Variants in PRICKLE3 observed in about 807,000 individuals in gnomAD.
PRICKLE3 encodes LIM domain only protein 6.
Under a neutral mutation model 33.8 loss-of-function variants are expected in PRICKLE3, and 17 were observed. That is an observed-to-expected ratio of 0.50 (90% confidence interval 0.34 to 0.75). The LOEUF (loss-of-function observed/expected upper bound fraction) is 0.75. Ranked by LOEUF, PRICKLE3 falls within the 30% of genes least tolerant of loss-of-function variation. The pLI is 0.01. For missense variants in PRICKLE3, 573 were observed against 576.7 expected (o/e 0.99, Z 0.07); for synonymous variants, 211 against 219.6 (o/e 0.96, Z 0.34).
rs1557100204 is a variant in PRICKLE3 at position 49,177,084 on chromosome X, G to C, written c.1074C>G (p.Gly358=). 2 of 1,203,552 alleles carry C rather than the reference G, an allele frequency of 1.7e-6. No individual in the cohort carries two copies. Among genetic ancestry groups the C allele is most frequent in the Admixed American group, 4.4e-5 (2 of 45,132 alleles). The change falls in exon 8 of 9, where the codon GGC becomes GGG. Residue 358 remains glycine, a synonymous_variant. Coordinates refer to ENST00000599218, the MANE Select transcript of PRICKLE3 (RefSeq NM_006150.5). The stretch of plus-strand genomic sequence containing the variant: ...TGCAGGCTCGAGAGCAGAAGATTAG[G>C]CCTCGGCGTGGCAGGAATGGGCGGC... ...LLGRPFLPRR[G]LIFCSRACSL...
At position 49,182,198 on chromosome X, in the gene PRICKLE3, C is replaced by T. The variant is rs782579786; in HGVS notation, c.312+1536G>A. Among the ~76,000 whole-genome samples the T allele has an allele frequency of 1.6e-4, 18 of 111,140 alleles. No individual in the cohort carries two copies. In the East Asian group the frequency reaches 3.1e-3, roughly 19 times the overall value. Reference sequence around the variant, plus strand: ...CTGACCTCAAGTGATCCACTCGCCTCGGCCTCCCAAAGTGCTGGGATTACA... The same window carrying T: ...CTGACCTCAAGTGATCCACTCGCCTTGGCCTCCCAAAGTGCTGGGATTACA... On this transcript the variant is annotated intron_variant, in intron 3 of 8. Transcript: ENST00000599218.
Position 49,184,691 on chromosome X carries a change from G to A in PRICKLE3, c.62C>T (p.Pro21Leu). Reference protein sequence around the residue: ...SGRAPPEAEDPDRGQPCNSCR... With the variant: ...SGRAPPEAEDLDRGQPCNSCR... The stretch of plus-strand genomic sequence containing the variant: ...GGAGTTGCAGGGCTGGCCCCGGTCT[G>A]GGTCCTCTGCCTCTGGAGGCTGCAG... Residue 21 changes from proline to leucine, a missense_variant, in exon 2 of 9, where the codon CCA becomes CTA. Coordinates refer to ENST00000599218, the MANE Select transcript of PRICKLE3 (RefSeq NM_006150.5). 2 of 1,160,939 alleles carry A rather than the reference G, an allele frequency of 1.7e-6. No homozygotes were observed. Among genetic ancestry groups the A allele is most frequent in the Non-Finnish European group, 2.3e-6 (2 of 869,057 alleles).
Position 49,176,161 on chromosome X carries a change from G to A in PRICKLE3, c.1360C>T (p.Pro454Ser), listed in dbSNP as rs370249075. 2.5e-6 allele frequency: 3 copies of A among 1,191,030 alleles called. No individual in the cohort carries two copies. Among genetic ancestry groups the A allele is most frequent in the South Asian group, 1.9e-5 (1 of 53,898 alleles). ...TCTGGGCGCAGGTTAGGCTGGCCGG[G>A]GGACTCTGGGGGCGGCTCGGGGACA... ...RSVPEPPPES[P>S]GQPNLRPDDS... Residue 454 changes from proline (P) to serine (S), a missense_variant, in exon 9 of 9, where the codon CCC becomes TCC. Physicochemically the swap from Pro to Ser is moderately conservative, Grantham distance 74. Coordinates refer to ENST00000599218, the MANE Select transcript of PRICKLE3 (RefSeq NM_006150.5).
At chrX:49,181,540 T>C (rs1557101020) in intron 3 of PRICKLE3, among the ~76,000 whole-genome samples, 11 of 93,782 alleles carry the variant, frequency 1.2e-4, no homozygotes, top group South Asian at 5.1e-4. Flanking sequence ...TGTATATATA[T>C]ACGTATATGT....
chrX:49,179,238 C>G lies in PRICKLE3; in HGVS notation c.564+13G>C, dbSNP rs1181157342. On this transcript the variant is annotated intron_variant, in intron 5 of 8. Transcript: ENST00000599218. ...GAGGCACTGCTCACTCGCTGAGGCC[C>G]TCCACGGCTCACCTCCTCACAGATG... The G allele has an allele frequency of 8.3e-7, 1 of 1,207,409 alleles. No individual in the cohort carries two copies. The highest frequency in any genetic ancestry group is 1.1e-6 in the Non-Finnish European group (1 of 893,624).
intron 3 of PRICKLE3, 53 bp downstream of exon 3, chrX:49,183,681 G>A (rs2065468360): frequency 8.3e-7 from 1 of 1,203,425 alleles, no homozygotes; most frequent in Admixed American, 2.2e-5. Context: ...GTGTGTGTGA[G>A]CATTAGTGTG....
rs1557100128 is a variant in PRICKLE3, at chrX:49,176,925, G to A, written c.1233C>T (p.Gly411=). 8.3e-7 allele frequency: 1 copy of A among 1,200,143 alleles called. No homozygotes were observed. The highest frequency in any genetic ancestry group is 1.8e-5 in the South Asian group (1 of 55,233). Residue 411 remains glycine, a synonymous_variant, in exon 8 of 9, where the codon GGC becomes GGT. Coordinates refer to ENST00000599218, the MANE Select transcript of PRICKLE3 (RefSeq NM_006150.5). The part of the protein sequence containing the change: ...VKGASETTTK[G]TSTELAPATG... ...CACCTGGCGCTAACTCTGTGCTGGT[G>A]CCTTTGGTGGTGGTCTCTGATGCCC...
intron 3 of PRICKLE3, among the ~76,000 whole-genome samples, chrX:49,180,963 C>T (rs1259157877): frequency 5.4e-5 from 6 of 110,605 alleles, no homozygotes; most frequent in Admixed American, 1.9e-4. Flanking sequence ...GCTCTTACCC[C>T]TCAAACTGCT....
intron 3 of PRICKLE3, among the ~76,000 whole-genome samples, chrX:49,182,936 G>A (rs2065464175): frequency 9.3e-6 from 1 of 107,725 alleles, no homozygotes; most frequent in East Asian, 2.9e-4. Flanking sequence ...CAATTCTCCT[G>A]CCTCAGCCTC....
chrX:49,180,034 C>CT (rs1986191477), intron 3 of PRICKLE3, among the ~76,000 whole-genome samples: 1 of 56,570 alleles, frequency 1.8e-5, no homozygotes, highest in Non-Finnish European at 3.5e-5. Flanking sequence ...CTGCTGATCA[C>CT]CTTTTTTTTT....
rs1190748780 is a variant in PRICKLE3 at position 49,175,753 on chromosome X, A to C, written c.1768T>G (p.Ser590Ala). The C allele has an allele frequency of 1.7e-6, 2 of 1,211,311 alleles. No individual in the cohort carries two copies. Among genetic ancestry groups the C allele is most frequent in the Non-Finnish European group, 1.1e-6 (1 of 895,343 alleles). The change falls in exon 9 of 9, where the codon TCC becomes GCC. Residue 590 changes from serine (S) to alanine (A), a missense_variant. Physicochemically the swap from Ser to Ala is moderately conservative, Grantham distance 99 (BLOSUM62 1). Transcript: ENST00000599218. Reference sequence around the variant, plus strand: ...TCCCTGGGGAGCGATAAAGATGGGGAGTTGAAGGTCTCCATTGCAGTGTCC... The same window carrying C: ...TCCCTGGGGAGCGATAAAGATGGGGCGTTGAAGGTCTCCATTGCAGTGTCC... ...AQDTAMETFNSPSLSLPRDSR... is the reference protein window; with the variant it reads ...AQDTAMETFNAPSLSLPRDSR...
chrX:49,180,383 T>C (rs1171242349), intron 3 of PRICKLE3, among the ~76,000 whole-genome samples: 1 of 111,256 alleles, frequency 9.0e-6, no homozygotes, highest in Non-Finnish European at 1.9e-5. Context: ...CAAAAAGTTA[T>C]GAGCACTTGT....
chrX:49,186,220 C>T (rs963782365), intron 1 of PRICKLE3, 36 bp downstream of exon 1: 3 of 1,152,768 alleles, frequency 2.6e-6, no homozygotes, highest in Non-Finnish European at 2.3e-6. Context: ...CCTCAGTTTA[C>T]CCCCGACCCC....
chrX:49,176,315 C>A (rs2065417059), intron 8 of PRICKLE3, 50 bp from the exon 9 acceptor site: 1 of 992,881 alleles, frequency 1.0e-6, no homozygotes, highest in South Asian at 2.5e-5. Context: ...TCCCACTGGC[C>A]CCCTCCTAAG....
chrX:49,184,488 T>C, intron 2 of PRICKLE3, 137 bp downstream of exon 2: 1 of 589,461 alleles, frequency 1.7e-6, no homozygotes, highest in Non-Finnish European at 2.5e-6. Flanking sequence ...GCTCTGAATC[T>C]GAGCCTGAGG....
Position 49,179,281 on chromosome X carries a change from C to T in PRICKLE3, c.534G>A (p.Pro178=), listed in dbSNP as rs782092194. The T allele has an allele frequency of 2.5e-6, 3 of 1,209,524 alleles. No homozygotes were observed. Among genetic ancestry groups the T allele is most frequent in the East Asian group, 3.0e-5 (1 of 33,734 alleles). Residue 178 remains proline (P), a synonymous_variant, in exon 5 of 9, where the codon CCG becomes CCA. Coordinates refer to ENST00000599218, the MANE Select transcript of PRICKLE3 (RefSeq NM_006150.5). The part of the protein sequence containing the change: ...NLGRGIVRIF[P]VTITGAICEE... ...CACAGATGGCCCCAGTGATGGTCAC[C>T]GGGAAGATGCGCACGATGCCACGCC...
chrX:49,182,183 G>A (rs926214071), intron 3 of PRICKLE3, among the ~76,000 whole-genome samples: 2 of 111,033 alleles, frequency 1.8e-5, no homozygotes, highest in Non-Finnish European at 3.8e-5. Context: ...CTGACCTCAA[G>A]TGATCCACTC....
At chrX:49,184,030 G>T in intron 2 of PRICKLE3, 113 bp from the exon 3 acceptor site, 1 of 952,697 alleles carries the variant, frequency 1.0e-6, no homozygotes, top group Non-Finnish European at 1.4e-6. Flanking sequence ...CCAAAGGTCT[G>T]TGAGCAGGGA....
intron 1 of PRICKLE3, among the ~76,000 whole-genome samples, chrX:49,185,324 C>T (rs893606223): frequency 1.2e-4 from 13 of 111,697 alleles, no homozygotes; most frequent in South Asian, 3.7e-4. Context: ...TTCAGAAACC[C>T]CCATCCCAAG....
Sources: allele counts gnomAD v4.1 joint callset (sites outside exome capture counted in the v4.1 genomes callset), GRCh38; gene constraint gnomAD v4.1.1; transcripts MANE v1.5; gene names NCBI Gene and HGNC (gene_info 2026-07-23, HGNC 2026-07-21).